The following PTCHD4 variants were observed in gnomAD, a reference collection of about 807,000 sequenced individuals.
The protein encoded by PTCHD4 is patched domain-containing protein 4.
A neutral mutation model predicts 58.1 loss-of-function variants in PTCHD4; 33 were observed. The observed-to-expected ratio is 0.57, with a 90% CI of 0.43 to 0.76. The LOEUF is 0.76. Ranked by LOEUF, PTCHD4 falls within the 30% of genes least tolerant of loss-of-function variation. The pLI, the probability that PTCHD4 is intolerant of heterozygous loss-of-function variation, is 0.00. For synonymous variants in PTCHD4, 478 were observed against 409.6 expected, an observed-to-expected ratio of 1.17 and a Z score of -2.02; for missense variants, 1,058 against 1,027.1, an observed-to-expected ratio of 1.03 and a Z score of -0.41.
At chr6:48,081,682 T>C (rs1765169934) in intron 1 of PTCHD4, among the ~76,000 whole-genome samples, 1 of 152,172 alleles carries the variant, frequency 6.6e-6, no homozygotes, top group Non-Finnish European at 1.5e-5. Context: ...AGAGTGAAAT[T>C]ATTTTACCTA....
chr6:48,036,673 G>A (rs898344251), intron 3 of PTCHD4, among the ~76,000 whole-genome samples: 1 of 152,038 alleles, frequency 6.6e-6, no homozygotes, highest in African/African-American at 2.4e-5. Context: ...AGGGATGCTG[G>A]CAACTCCAAT....
intron 4 of PTCHD4, among the ~76,000 whole-genome samples, chr6:47,891,458 CACAA>C (rs949262917): frequency 1.3e-5 from 2 of 151,852 alleles, no homozygotes; most frequent in African/African-American, 4.8e-5. Context: ...CTGAAAAAAA[CACAA>C]ACATTGCCCA....
At position 47,866,983 on chromosome 6, in the gene PTCHD4, T is replaced by G. The variant is rs780351443; in HGVS notation, c.*11320A>C. Reference sequence around the variant, plus strand: ...ATTTACATTTGGACTTCTCTGTACATGCACCTTTCATACTGATTTATGATG... The same window carrying G: ...ATTTACATTTGGACTTCTCTGTACAGGCACCTTTCATACTGATTTATGATG... On this transcript the variant is annotated 3_prime_UTR_variant, in exon 5 of 5. Transcript: ENST00000339488. Among the ~76,000 whole-genome samples the G allele has an allele frequency of 1.3e-5, 2 of 151,866 alleles. No homozygotes were observed. The highest frequency in any genetic ancestry group is 4.1e-4 in the South Asian group (2 of 4,830).
At chr6:47,949,191 C>T (rs1040515281) in intron 4 of PTCHD4, among the ~76,000 whole-genome samples, 15 of 152,090 alleles carry the variant, frequency 9.9e-5, no homozygotes, top group African/African-American at 3.1e-4. Context: ...GGACAGGCCT[C>T]TGTAGGAAAG....
chr6:48,106,176 G>A (rs111992802), intron 1 of PTCHD4, among the ~76,000 whole-genome samples: 29,046 of 152,044 alleles, frequency 0.19, 2,923 homozygotes, highest in Non-Finnish European at 0.22. Flanking sequence ...CAATATCCTT[G>A]ATGAACATTG....
chr6:47,974,517 G>T (rs1475914243), intron 4 of PTCHD4, among the ~76,000 whole-genome samples: 1 of 151,914 alleles, frequency 6.6e-6, no homozygotes, highest in African/African-American at 2.4e-5. Context: ...TTTTGTTGTT[G>T]TGGGGGGGGC....
At chr6:48,001,956 A>G (rs1160008029) in intron 4 of PTCHD4, among the ~76,000 whole-genome samples, 2 of 152,258 alleles carry the variant, frequency 1.3e-5, no homozygotes, top group Non-Finnish European at 2.9e-5. Flanking sequence ...GAAGGATATG[A>G]ACAGACACTT....
chr6:47,963,516 C>T lies in PTCHD4; in HGVS notation c.898+45118G>A, dbSNP rs182271346. ...CCAAAGGAAATGAAATCAGTATCTC[C>T]GAGAGATATCTGCACTCCCATGTTC... is the stretch of plus-strand genomic sequence containing the variant. On this transcript the variant is annotated intron_variant, in intron 4 of 4. Transcript: ENST00000339488. Among the ~76,000 whole-genome samples, 48 of 152,186 alleles carry T rather than the reference C, an allele frequency of 3.2e-4. No homozygotes were observed. The East Asian group carries it at 7.1e-3, about 23-fold the overall frequency.
chr6:47,963,614 A>G (rs1485624069), intron 4 of PTCHD4, among the ~76,000 whole-genome samples: 2 of 152,188 alleles, frequency 1.3e-5, no homozygotes, highest in African/African-American at 4.8e-5. Context: ...GTGGATAAAG[A>G]AACTGTGGTA....
intron 1 of PTCHD4, among the ~76,000 whole-genome samples, chr6:48,098,222 A>C (rs954047138): frequency 6.6e-6 from 1 of 152,224 alleles, no homozygotes; most frequent in Non-Finnish European, 1.5e-5. Context: ...GTTCCGATGC[A>C]AGGTGCAAAG....
intron 4 of PTCHD4, among the ~76,000 whole-genome samples, chr6:47,912,661 T>C (rs1765107005): frequency 6.6e-6 from 1 of 152,134 alleles, no homozygotes; most frequent in Admixed American, 6.6e-5. Flanking sequence ...ACATTATTAT[T>C]GGGATCAATA....
At chr6:47,976,814 T>C (rs1767709495) in intron 4 of PTCHD4, among the ~76,000 whole-genome samples, 1 of 151,986 alleles carries the variant, frequency 6.6e-6, no homozygotes. Context: ...ATTTTAAAAG[T>C]TCAGCATCAA....
chr6:48,065,164 T>A (rs185787699), intron 3 of PTCHD4, among the ~76,000 whole-genome samples: 1 of 152,268 alleles, frequency 6.6e-6, no homozygotes, highest in African/African-American at 2.4e-5. Flanking sequence ...ATAACAAAGG[T>A]TTCTGACCAC....
chr6:48,018,947 C>A (rs1486588538), intron 3 of PTCHD4, among the ~76,000 whole-genome samples: 1 of 152,144 alleles, frequency 6.6e-6, no homozygotes, highest in East Asian at 1.9e-4. Context: ...TTCTTTTGGA[C>A]TAAGAAATTC....
intron 3 of PTCHD4, among the ~76,000 whole-genome samples, chr6:48,024,233 A>C (rs577634239): frequency 4.4e-4 from 67 of 152,280 alleles, no homozygotes; most frequent in Non-Finnish European, 8.7e-4. Flanking sequence ...AAATAAAAAC[A>C]AATCATGGCT....
At chr6:48,061,101 C>A (rs943661562) in intron 3 of PTCHD4, among the ~76,000 whole-genome samples, 1 of 152,170 alleles carries the variant, frequency 6.6e-6, no homozygotes, top group Non-Finnish European at 1.5e-5. Flanking sequence ...ATGTATGGTT[C>A]CCATATCTTG....
At chr6:47,945,802 A>C (rs1766394084) in intron 4 of PTCHD4, among the ~76,000 whole-genome samples, 1 of 151,812 alleles carries the variant, frequency 6.6e-6, no homozygotes, top group South Asian at 2.1e-4. Flanking sequence ...CTTTAAATAT[A>C]AATTGTTATA....
chr6:47,922,758 T>C (rs1294267193), intron 4 of PTCHD4, among the ~76,000 whole-genome samples: 1 of 152,210 alleles, frequency 6.6e-6, no homozygotes, highest in Non-Finnish European at 1.5e-5. Context: ...AGGAAACATA[T>C]AAGGATTCCC....
chr6:47,875,944 T>G lies in PTCHD4; in HGVS notation c.*2359A>C, dbSNP rs897839068. 2.0e-5 allele frequency among the ~76,000 whole-genome samples: 3 copies of G among 151,400 alleles called. No individual in the cohort carries two copies. The highest frequency in any genetic ancestry group is 7.3e-5 in the African/African-American group (3 of 41,222). ...TGGCACACAATGGGAAGAAAAGGAG[T>G]GATAGTTAATTAACTTTCTCAGTGA... On this transcript the variant is annotated 3_prime_UTR_variant, in exon 5 of 5. Transcript: ENST00000339488.
Sources: gnomAD v4.1 joint callset for allele counts (sites outside exome capture counted in the v4.1 genomes callset) on GRCh38, gnomAD v4.1.1 for gene constraint, MANE v1.5 for transcripts, NCBI Gene and HGNC (gene_info 2026-07-23, HGNC 2026-07-21) for gene names.